The following CDK12 variants were observed in gnomAD, a reference collection of about 807,000 sequenced individuals.
CDK12 encodes the protein cyclin dependent kinase 12.
In CDK12, 17 loss-of-function variants were observed where a neutral mutation model predicts 133.8. The observed-to-expected ratio is 0.13, with a 90% CI of 0.09 to 0.19. The LOEUF is 0.19. Ranked by LOEUF, CDK12 falls within the 10% of genes least tolerant of loss-of-function variation. The probability of loss-of-function intolerance (pLI) is 1.00; values close to 1 mark genes in which losing one functional copy is unlikely to be tolerated. For synonymous variants in CDK12, 694 were observed against 683.6 expected (o/e 1.02, Z -0.24); for missense variants, 1,508 against 1,818.7 (o/e 0.83, Z 3.11).
chr17:39,555,102 G>A (rs913500732), intron 2 of CDK12, among the ~76,000 whole-genome samples: 1 of 150,428 alleles, frequency 6.6e-6, no homozygotes, highest in African/African-American at 2.4e-5. Context: ...AAAATTAGCC[G>A]GGCATGGTGG....
At chr17:39,494,761 CTTTCTTTCTTTCTTTTTTTTTTTTTT>C in intron 5 of CDK12, 67 bp downstream of exon 5, 1 of 1,029,614 alleles carries the variant, frequency 9.7e-7, no homozygotes, top group South Asian at 1.7e-5. Context: ...TTTTTTTTTT[CTTTCTTTCTTTCTTTTTTTTTTTTTT>C]GAGACGGAGT....
chr17:39,562,345 C>G (rs2056403654), intron 3 of CDK12, among the ~76,000 whole-genome samples: 1 of 152,110 alleles, frequency 6.6e-6, no homozygotes. Flanking sequence ...AAAGGGAGAC[C>G]ACTCTTTACT....
At chr17:39,564,389 C>G (rs1043435401) in intron 3 of CDK12, among the ~76,000 whole-genome samples, 4 of 152,170 alleles carry the variant, frequency 2.6e-5, no homozygotes, top group African/African-American at 9.7e-5. Flanking sequence ...GTTCCCTCCT[C>G]CTGGCAGGAA....
intron 1 of CDK12, among the ~76,000 whole-genome samples, chr17:39,465,460 T>C (rs2049237141): frequency 6.6e-6 from 1 of 151,844 alleles, no homozygotes; most frequent in Admixed American, 6.6e-5. Context: ...TGCCTAAGTC[T>C]TAAGTGTAGC....
rs538777560 is a variant in CDK12 at position 39,475,591 on chromosome 17, G to A, written c.1931+3828G>A. ...GAGACGGTGTCTCACACTGTTGTCCGGGCTGGAGTGCAGTGGCGATCTTGG... is the reference window on the plus strand; with the variant it reads ...GAGACGGTGTCTCACACTGTTGTCCAGGCTGGAGTGCAGTGGCGATCTTGG... On this transcript the variant is annotated intron_variant, in intron 2 of 13. Transcript: ENST00000447079. Among the ~76,000 whole-genome samples, 508 of 146,378 alleles carry A rather than the reference G, an allele frequency of 3.5e-3. 6 individuals carry two copies. The highest frequency in any genetic ancestry group is 0.012 in the African/African-American group (491 of 39,408).
At chr17:39,555,811 T>G in intron 2 of CDK12, among the ~76,000 whole-genome samples, 1 of 141,852 alleles carries the variant, frequency 7.0e-6, no homozygotes. Context: ...CTGGGAAACA[T>G]AGTGAAACCT....
chr17:39,482,800 C>T (rs1158864724), intron 2 of CDK12, among the ~76,000 whole-genome samples: 1 of 151,452 alleles, frequency 6.6e-6, no homozygotes, highest in Admixed American at 6.6e-5. Context: ...AGGGGTTATG[C>T]CATATTGGCT....
chr17:39,563,191 A>C (rs1446060842), intron 3 of CDK12, among the ~76,000 whole-genome samples: 1 of 151,682 alleles, frequency 6.6e-6, no homozygotes. Flanking sequence ...ATGCACACAC[A>C]CACACTCACA....
chr17:39,481,776 G>A (rs1240394691), intron 2 of CDK12, among the ~76,000 whole-genome samples: 2 of 149,158 alleles, frequency 1.3e-5, no homozygotes, highest in Non-Finnish European at 3.0e-5. Flanking sequence ...GCTGGACTGC[G>A]ATGGCACTAT....
intron 1 of CDK12, among the ~76,000 whole-genome samples, chr17:39,467,294 A>G (rs1044548562): frequency 6.6e-6 from 1 of 152,096 alleles, no homozygotes; most frequent in Non-Finnish European, 1.5e-5. Context: ...CTAATTTTAA[A>G]AGACTGAAAA....
rs2048985789 is a variant in CDK12 at position 39,461,920 on chromosome 17, GGGA to G, written c.-144_-142del. The stretch of plus-strand genomic sequence containing the variant: ...GTAGAAGGGTGCTGAGGCGTCGGGA[GGGA>G]GGAGGAGCCTGGGCTACCGTCCCTG... On this transcript the variant is annotated 5_prime_UTR_variant, in exon 1 of 14. Coordinates refer to ENST00000447079, the MANE Select transcript of CDK12 (RefSeq NM_016507.4). 1 of 630,482 alleles carries G rather than the reference GGGA, an allele frequency of 1.6e-6. No individual in the cohort carries two copies. The highest frequency in any genetic ancestry group is 2.8e-6 in the Non-Finnish European group (1 of 355,076). The allele number at this position is 630,482 out of a possible 1,614,324, so 39.1% of individuals were successfully genotyped here. A position where few individuals can be genotyped will look rare whatever the true frequency, so the allele number is the denominator to read the frequency against.
chr17:39,487,034 T>G (rs1190052631), intron 2 of CDK12, among the ~76,000 whole-genome samples: 1 of 152,130 alleles, frequency 6.6e-6, no homozygotes, highest in Non-Finnish European at 1.5e-5. Context: ...TATTACATTG[T>G]GACTCAAAGA....
At chr17:39,527,634 G>A (rs992321899) in intron 13 of CDK12, among the ~76,000 whole-genome samples, 12 of 152,096 alleles carry the variant, frequency 7.9e-5, no homozygotes, top group Non-Finnish European at 1.5e-4. Context: ...TGCAACTTCC[G>A]TCTCCTGGGT....
rs184418074 is a variant in CDK12 at position 39,494,854 on chromosome 17, C to T, written c.2419+160C>T. On this transcript the variant is annotated intron_variant, in intron 5 of 13. Coordinates refer to ENST00000447079, the MANE Select transcript of CDK12 (RefSeq NM_016507.4). ...GTGCGATTTCAGGTCACTGCAAGCT[C>T]CACCTCCTGGGTTCACGCCATTCTC... Among the ~76,000 whole-genome samples, 623 of 150,814 alleles carry T rather than the reference C, an allele frequency of 4.1e-3. 4 individuals are homozygous for T. Among genetic ancestry groups the T allele is most frequent in the Non-Finnish European group, 4.6e-3 (311 of 67,852 alleles).
At chr17:39,529,220 G>T (rs2054677739) in intron 13 of CDK12, among the ~76,000 whole-genome samples, 1 of 152,142 alleles carries the variant, frequency 6.6e-6, no homozygotes, top group Non-Finnish European at 1.5e-5. Flanking sequence ...GATGTTACAT[G>T]TAACACCTGA....
intron 1 of CDK12, among the ~76,000 whole-genome samples, chr17:39,470,205 C>T (rs2049689575): frequency 6.6e-6 from 1 of 150,992 alleles, no homozygotes; most frequent in Non-Finnish European, 1.5e-5. Flanking sequence ...ACTGTAAGCT[C>T]CACCTCCCAG....
chr17:39,520,229 T>G, intron 11 of CDK12, 142 bp downstream of exon 11: 1 of 806,972 alleles, frequency 1.2e-6, no homozygotes, highest in Non-Finnish European at 1.9e-6. Context: ...TTGTTTTTTT[T>G]GTTTTATCTT....
In CDK12 at chr17:39,526,303, G is replaced by C. The variant is rs2054494253; in HGVS notation, c.3747G>C (p.Gln1249His). Residue 1249 changes from glutamine to histidine, a missense_variant, in exon 13 of 14, where the codon CAG (glutamine) becomes CAC (histidine). Coordinates refer to ENST00000447079, the MANE Select transcript of CDK12 (RefSeq NM_016507.4). ...QGPRRTPTMPQEEAAACPPHI... is the reference protein window; with the variant it reads ...QGPRRTPTMPHEEAAACPPHI... ...CCCGAAGAACTCCCACAATGCCACA[G>C]GAGGAGGCAGCAGGTAAACAGACCG... The C allele has an allele frequency of 6.3e-7, 1 of 1,591,592 alleles. No individual in the cohort carries two copies. The highest frequency in any genetic ancestry group is 8.5e-7 in the Non-Finnish European group (1 of 1,169,876).
chr17:39,541,644 C>T (rs896736696), intron 1 of CDK12, among the ~76,000 whole-genome samples: 1 of 152,182 alleles, frequency 6.6e-6, no homozygotes, highest in Non-Finnish European at 1.5e-5. Flanking sequence ...CGTGAGCCAC[C>T]GCATCCGGCC....
Sources: gnomAD v4.1 joint callset for allele counts (sites outside exome capture counted in the v4.1 genomes callset) on GRCh38, gnomAD v4.1.1 for gene constraint, MANE v1.5 for transcripts, NCBI Gene and HGNC (gene_info 2026-07-23, HGNC 2026-07-21) for gene names.